Variants in ERBB4 observed in about 807,000 individuals in gnomAD.
ERBB4 encodes erb-b2 receptor tyrosine kinase 4, also known as receptor tyrosine-protein kinase erbB-4.
ERBB4 carries 42 observed loss-of-function variants against 158.0 expected under a neutral mutation model. The observed-to-expected ratio is 0.27, with a 90% CI of 0.21 to 0.34. The LOEUF (loss-of-function observed/expected upper bound fraction) is 0.34. Ranked by LOEUF, ERBB4 falls within the 10% of genes least tolerant of loss-of-function variation. ERBB4 has a pLI of 1.00. For missense variants in ERBB4, 1,333 were observed against 1,624.1 expected, an observed-to-expected ratio of 0.82 and a Z score of 3.08; for synonymous variants, 583 against 558.7, an observed-to-expected ratio of 1.04 and a Z score of -0.61.
chr2:211,638,740 G>C (rs2125889333), intron 16 of ERBB4, among the ~76,000 whole-genome samples: 1 of 152,202 alleles, frequency 6.6e-6, no homozygotes, highest in Non-Finnish European at 1.5e-5. Context: ...TACTTCAGTA[G>C]AGATATTGCC....
intron 1 of ERBB4, among the ~76,000 whole-genome samples, chr2:212,495,084 T>C (rs1690485741): frequency 6.6e-6 from 1 of 152,030 alleles, no homozygotes; most frequent in African/African-American, 2.4e-5. Flanking sequence ...AGACTGCACT[T>C]CAGACGACCT....
At position 211,376,860 on chromosome 2, in the gene ERBB4, C is replaced by A; in HGVS notation, c.*6755G>T. 4.3e-6 allele frequency: 1 copy of A among 233,194 alleles called. No individual in the cohort carries two copies. The highest frequency in any genetic ancestry group is 6.0e-5 in the East Asian group (1 of 16,546). 14.4% of individuals were successfully genotyped at this position (233,194 alleles called of 1,614,324 possible). ...CGGTTTCAGCATGCAGCCACGCAATCCCTGGTGCTCTCAACATGAGAAGGA... is the reference window on the plus strand; with the variant it reads ...CGGTTTCAGCATGCAGCCACGCAATACCTGGTGCTCTCAACATGAGAAGGA... On this transcript the variant is annotated 3_prime_UTR_variant, in exon 28 of 28. Coordinates refer to ENST00000342788, the MANE Select transcript of ERBB4 (RefSeq NM_005235.3).
intron 1 of ERBB4, among the ~76,000 whole-genome samples, chr2:212,416,588 A>C (rs13385225): frequency 6.6e-6 from 1 of 152,064 alleles, no homozygotes; most frequent in Non-Finnish European, 1.5e-5. Context: ...TAAAATACAA[A>C]TAAAGCCCTT....
At chr2:211,530,785 G>A (rs1240839270) in intron 20 of ERBB4, among the ~76,000 whole-genome samples, 1 of 152,094 alleles carries the variant, frequency 6.6e-6, no homozygotes, top group African/African-American at 2.4e-5. Flanking sequence ...AGATACTCAG[G>A]AGGCTGAAGT....
intron 20 of ERBB4, among the ~76,000 whole-genome samples, chr2:211,520,972 C>G (rs2066170923): frequency 6.6e-6 from 1 of 152,128 alleles, no homozygotes; most frequent in Admixed American, 6.5e-5. Context: ...CTCTACCAAT[C>G]AGCCATTACC....
At chr2:211,819,289 C>A (rs2076942404) in intron 3 of ERBB4, among the ~76,000 whole-genome samples, 2 of 151,924 alleles carry the variant, frequency 1.3e-5, no homozygotes, top group African/African-American at 2.4e-5. Context: ...ATGACATGGT[C>A]TCTGATCACA....
chr2:211,432,180 C>A (rs1379363159), intron 20 of ERBB4, among the ~76,000 whole-genome samples: 6 of 152,122 alleles, frequency 3.9e-5, no homozygotes, highest in African/African-American at 1.2e-4. Context: ...TACTCTCATG[C>A]CAATTGCAAA....
At chr2:212,261,438 A>C (rs1331883214) in intron 1 of ERBB4, among the ~76,000 whole-genome samples, 3 of 152,188 alleles carry the variant, frequency 2.0e-5, no homozygotes, top group Non-Finnish European at 4.4e-5. Context: ...GCATCCCTGA[A>C]AAAAAGAAAT....
intron 1 of ERBB4, among the ~76,000 whole-genome samples, chr2:212,302,132 C>A (rs920610807): frequency 6.6e-6 from 1 of 151,320 alleles, no homozygotes; most frequent in Non-Finnish European, 1.5e-5. Context: ...TGATCTTGGG[C>A]AAGTTACTTA....
intron 1 of ERBB4, among the ~76,000 whole-genome samples, chr2:212,314,648 C>A (rs1265111427): frequency 6.6e-6 from 1 of 150,690 alleles, no homozygotes; most frequent in Non-Finnish European, 1.5e-5. Flanking sequence ...GAATTAAAAA[C>A]TAATTAGCAC....
chr2:211,743,448 G>A (rs921378640), intron 5 of ERBB4, among the ~76,000 whole-genome samples: 1 of 152,116 alleles, frequency 6.6e-6, no homozygotes, highest in Non-Finnish European at 1.5e-5. Flanking sequence ...GAGAGAGCTG[G>A]CCTGATATTG....
intron 2 of ERBB4, among the ~76,000 whole-genome samples, chr2:211,999,878 T>C (rs904510740): frequency 6.6e-6 from 1 of 151,790 alleles, no homozygotes; most frequent in Non-Finnish European, 1.5e-5. Flanking sequence ...AATCAATGAT[T>C]CATTTCTGTC....
intron 4 of ERBB4, among the ~76,000 whole-genome samples, chr2:211,763,834 T>C (rs1285640359): frequency 5.9e-5 from 9 of 151,894 alleles, no homozygotes; most frequent in Non-Finnish European, 8.8e-5. Flanking sequence ...CGTATGTTAC[T>C]ACCACTTTTT....
At chr2:212,125,047 G>C in intron 1 of ERBB4, 144 bp from the exon 2 acceptor site, 1 of 913,890 alleles carries the variant, frequency 1.1e-6, no homozygotes, top group Non-Finnish European at 1.7e-6. Flanking sequence ...AAGAGGCATA[G>C]ACCCACGCAC....
intron 20 of ERBB4, among the ~76,000 whole-genome samples, chr2:211,481,357 A>T (rs932872832): frequency 6.6e-6 from 1 of 152,096 alleles, no homozygotes; most frequent in African/African-American, 2.4e-5. Flanking sequence ...AGAGACTTTC[A>T]TATATTCTTA....
chr2:212,297,747 G>A (rs2086465711), intron 1 of ERBB4, among the ~76,000 whole-genome samples: 1 of 151,590 alleles, frequency 6.6e-6, no homozygotes, highest in African/African-American at 2.4e-5. Context: ...GAAAAAGGGT[G>A]TATATAATGC....
At chr2:212,490,222 T>C (rs150323069) in intron 1 of ERBB4, among the ~76,000 whole-genome samples, 53 of 152,002 alleles carry the variant, frequency 3.5e-4, no homozygotes, top group African/African-American at 1.2e-3. Context: ...ATCTATATAC[T>C]ATAGTTTGTC....
chr2:211,474,231 T>C (rs1400672010), intron 20 of ERBB4, among the ~76,000 whole-genome samples: 2 of 151,994 alleles, frequency 1.3e-5, no homozygotes, highest in Non-Finnish European at 2.9e-5. Context: ...CTGTCTCTGG[T>C]CTAGAATACC....
At chr2:211,888,692 G>T (rs1324294850) in intron 3 of ERBB4, among the ~76,000 whole-genome samples, 2 of 151,014 alleles carry the variant, frequency 1.3e-5, no homozygotes, top group African/African-American at 2.5e-5. Flanking sequence ...GTGGGTGCGC[G>T]CACCGTGCGC....
Sources: gnomAD v4.1 joint callset for allele counts (sites outside exome capture counted in the v4.1 genomes callset) on GRCh38, gnomAD v4.1.1 for gene constraint, MANE v1.5 for transcripts, NCBI Gene and HGNC (gene_info 2026-07-23, HGNC 2026-07-21) for gene names.